LDHB: variants seen among roughly 807,000 people sequenced by gnomAD.
LDHB encodes L-lactate dehydrogenase B chain.
In LDHB, 18 loss-of-function variants were observed where a neutral mutation model predicts 33.4. The observed-to-expected ratio is 0.54, with a 90% CI of 0.37 to 0.80. The LOEUF is 0.80. Among genes scored for constraint, LDHB ranks in the 30% least tolerant of loss-of-function variants. The pLI is 0.00. For missense variants in LDHB, 345 were observed against 407.9 expected, an observed-to-expected ratio of 0.85 and a Z score of 1.33; for synonymous variants, 121 against 140.6, an observed-to-expected ratio of 0.86 and a Z score of 0.98.
rs1565626475 is a variant in LDHB, at chr12:21,642,012, GTT to G, written c.533_534del (p.Lys178ThrfsTer44). On this transcript the variant is annotated frameshift_variant, in exon 5 of 8. Transcript: ENST00000350669. LOFTEE classifies it high-confidence loss of function. ...SARFRYLMAE[K>X]LGIHPSSCHG... ...TGGCAGCTGCTGGGATGAATGCCAA[GTT>G]TTTCAGCCATAAGGTAGCGAAATCT... The G allele has an allele frequency of 6.2e-7, 1 of 1,613,504 alleles. No homozygotes were observed. Among genetic ancestry groups the G allele is most frequent in the East Asian group, 2.2e-5 (1 of 44,846 alleles).
intron 7 of LDHB, among the ~76,000 whole-genome samples, chr12:21,636,505 GATAGA>G (rs986411393): frequency 8.5e-5 from 13 of 152,064 alleles, no homozygotes; most frequent in African/African-American, 2.9e-4. Context: ...CACAAAAGTA[GATAGA>G]ATAAACAAAT....
chr12:21,652,259 T>C (rs1281818723), intron 2 of LDHB, among the ~76,000 whole-genome samples: 2 of 152,146 alleles, frequency 1.3e-5, no homozygotes, highest in African/African-American at 4.8e-5. Context: ...AATAGTAGCA[T>C]TGAATAAAAA....
At chr12:21,653,980 A>T (rs916870739) in intron 2 of LDHB, among the ~76,000 whole-genome samples, 2 of 152,192 alleles carry the variant, frequency 1.3e-5, no homozygotes, top group African/African-American at 4.8e-5. Context: ...GTTGAACATC[A>T]TGTGTCTCCT....
At position 21,646,821 on chromosome 12, in the gene LDHB, T is replaced by C; in HGVS notation, c.247+78A>G. ...TTCCTACTTACAAATAAATCTATTA[T>C]GCTGTAAGATGCATTCCAAATGTGT... On this transcript the variant is annotated intron_variant, in intron 3 of 7. Coordinates refer to ENST00000350669, the MANE Select transcript of LDHB (RefSeq NM_002300.8). The C allele has an allele frequency of 6.1e-6, 5 of 824,232 alleles. No individual in the cohort carries two copies. In the Admixed American group the frequency reaches 8.5e-5, roughly 14 times the overall value. The allele number at this position is 824,232 out of a possible 1,614,324, so 51.1% of individuals were successfully genotyped here.
Position 21,641,976 on chromosome 12 carries a change from A to G in LDHB, c.571T>C (p.Leu191=), listed in dbSNP as rs1219509864. The change falls in exon 5 of 8, where the codon TTG becomes CTG. Residue 191 remains leucine, a synonymous_variant. Coordinates refer to ENST00000350669, the MANE Select transcript of LDHB (RefSeq NM_002300.8). The stretch of plus-strand genomic sequence containing the variant: ...CCACTTGAGTCGCCATGTTCCCCCA[A>G]AATCCATCCATGGCAGCTGCTGGGA... ...IHPSSCHGWI[L]GEHGDSSVAV... is the part of the protein sequence containing the mutation. The G allele has an allele frequency of 1.2e-5, 20 of 1,613,380 alleles. No homozygotes were observed. Among genetic ancestry groups the G allele is most frequent in the East Asian group, 8.9e-5 (4 of 44,882 alleles).
chr12:21,643,875 C>A (rs1177906961), intron 4 of LDHB, 60 bp downstream of exon 4: 7 of 1,325,290 alleles, frequency 5.3e-6, no homozygotes, highest in Non-Finnish European at 7.6e-6. Flanking sequence ...AAAACAATAA[C>A]AACAGAAACA....
chr12:21,646,462 C>T (rs1335192606), intron 3 of LDHB, among the ~76,000 whole-genome samples: 2 of 152,016 alleles, frequency 1.3e-5, no homozygotes, highest in African/African-American at 4.8e-5. Context: ...TTTCTAGAAA[C>T]GGATGAAAGA....
intron 3 of LDHB, among the ~76,000 whole-genome samples, chr12:21,645,597 G>A (rs1258177489): frequency 6.6e-6 from 1 of 152,192 alleles, no homozygotes; most frequent in Non-Finnish European, 1.5e-5. Flanking sequence ...GCATTGAGAT[G>A]TTTATGTATA....
At chr12:21,647,863 A>G (rs1938571686) in intron 2 of LDHB, among the ~76,000 whole-genome samples, 1 of 151,860 alleles carries the variant, frequency 6.6e-6, no homozygotes, top group Non-Finnish European at 1.5e-5. Context: ...CACCCAGCTA[A>G]TTTTTGTATT....
intron 5 of LDHB, among the ~76,000 whole-genome samples, chr12:21,640,402 G>C (rs994018913): frequency 6.6e-6 from 1 of 151,766 alleles, no homozygotes; most frequent in Non-Finnish European, 1.5e-5. Context: ...ACTAATTTAT[G>C]TACAATTCTT....
Position 21,638,459 on chromosome 12 carries a change from T to G in LDHB, c.607A>C (p.Ser203Arg). 1 of 1,550,496 alleles carries G rather than the reference T, an allele frequency of 6.4e-7. No homozygotes were observed. ...EHGDSSVAVW[S>R]GVNVAGVSLQ... ...GAAACACCTGCCACATTCACACCAC[T>G]CCACACAGCCACTGTTTAAAAAAAA... is the stretch of plus-strand genomic sequence containing the variant. Residue 203 changes from serine (S) to arginine (R), a missense_variant, in exon 6 of 8, where the codon AGT becomes CGT. Transcript: ENST00000350669.
chr12:21,638,542 G>A (rs964287516), intron 5 of LDHB, 72 bp from the exon 6 acceptor site: 2 of 1,063,958 alleles, frequency 1.9e-6, no homozygotes, highest in African/African-American at 3.2e-5. Context: ...TCTTCTTTTA[G>A]TGCAATTTCA....
At chr12:21,636,959 G>A in intron 7 of LDHB, 112 bp downstream of exon 7, 1 of 962,368 alleles carries the variant, frequency 1.0e-6, no homozygotes, top group Non-Finnish European at 1.7e-6. Context: ...AACTTTGAGA[G>A]ACAGAAATAA....
Position 21,635,421 on chromosome 12 carries a change from G to T in LDHB, c.*121C>A. 1 of 838,602 alleles carries T rather than the reference G, an allele frequency of 1.2e-6. No homozygotes were observed. The highest frequency in any genetic ancestry group is 2.1e-6 in the Non-Finnish European group (1 of 487,246). The allele number at this position is 838,602 out of a possible 1,614,324, so 51.9% of individuals were successfully genotyped here. On this transcript the variant is annotated 3_prime_UTR_variant, in exon 8 of 8. Coordinates refer to ENST00000350669, the MANE Select transcript of LDHB (RefSeq NM_002300.8). The stretch of plus-strand genomic sequence containing the variant: ...CCAAGCATAGGCTTTGATTCTGTGA[G>T]CCCAAATTCACATATTGAAGAAGAT...
intron 3 of LDHB, among the ~76,000 whole-genome samples, chr12:21,644,976 G>A (rs1259328481): frequency 2.0e-5 from 3 of 152,152 alleles, no homozygotes; most frequent in African/African-American, 4.8e-5. Context: ...GACTGTTACT[G>A]TGTCTGTGTA....
At chr12:21,650,091 CAA>C (rs1938638580) in intron 2 of LDHB, among the ~76,000 whole-genome samples, 2 of 14,306 alleles carry the variant, frequency 1.4e-4, no homozygotes, top group African/African-American at 2.3e-4. Context: ...CTCTCTCTCT[CAA>C]GAGAAAAAAA....
chr12:21,638,212 G>A, intron 6 of LDHB, 141 bp downstream of exon 6: 1 of 644,366 alleles, frequency 1.6e-6, no homozygotes, highest in South Asian at 1.8e-5. Context: ...CAGTGTAAAA[G>A]TCTTATCAGT....
Position 21,637,129 on chromosome 12 carries a change from A to C in LDHB, c.779T>G (p.Leu260Arg). 6.2e-7 allele frequency: 1 copy of C among 1,606,760 alleles called. No homozygotes were observed. Among genetic ancestry groups the C allele is most frequent in the Non-Finnish European group, 8.5e-7 (1 of 1,173,906 alleles). The change falls in exon 7 of 8, where the codon CTT (leucine) becomes CGT (arginine). Residue 260 changes from leucine (L) to arginine (R), a missense_variant. Physicochemically the swap from Leu to Arg is moderately radical, Grantham distance 102 (BLOSUM62 -2). Transcript: ENST00000350669. ...NWAIGLSVAD[L>R]IESMLKNLSR... Reference sequence around the variant, plus strand: ...TAGATTTTTCAACATGGATTCAATAAGATCAGCCACACTTAATCCAATAGC... The same window carrying C: ...TAGATTTTTCAACATGGATTCAATACGATCAGCCACACTTAATCCAATAGC...
intron 3 of LDHB, 114 bp from the exon 4 acceptor site, chr12:21,644,222 G>T: frequency 1.4e-6 from 1 of 733,724 alleles, no homozygotes. Context: ...ACATATATGT[G>T]AATTAAGTTT....
Sources: allele counts gnomAD v4.1 joint callset (sites outside exome capture counted in the v4.1 genomes callset), GRCh38; gene constraint gnomAD v4.1.1; transcripts MANE v1.5; gene names NCBI Gene and HGNC (gene_info 2026-07-23, HGNC 2026-07-21).